Variants in C1orf94 observed in about 807,000 individuals in gnomAD.
The protein encoded by C1orf94 is uncharacterized protein C1orf94.
Under a neutral mutation model 53.6 loss-of-function variants are expected in C1orf94, and 45 were observed. The ratio of observed to expected loss-of-function variants is 0.84; its 90% CI spans 0.66 to 1.08. The LOEUF (loss-of-function observed/expected upper bound fraction) is 1.08, where lower values mean the gene tolerates loss of function less well. C1orf94 is among the 50% of genes least tolerant of loss of function. The pLI, the probability that C1orf94 is intolerant of heterozygous loss-of-function variation, is 0.00. For missense variants in C1orf94, 762 were observed against 738.9 expected, an observed-to-expected ratio of 1.03 and a Z score of -0.36; for synonymous variants, 304 against 296.1, an observed-to-expected ratio of 1.03 and a Z score of -0.27.
chr1:34,180,428 C>A lies in C1orf94; in HGVS notation c.320+2319C>A, dbSNP rs75860774. Among the ~76,000 whole-genome samples the A allele has an allele frequency of 3.8e-3, 575 of 152,296 alleles. 5 individuals are homozygous for A. Among genetic ancestry groups the A allele is most frequent in the African/African-American group, 0.013 (528 of 41,548 alleles). ...AGTTTCAATAATTATCACATTGTGC[C>A]ATTCTGGTTTCAATTGCTACCTCCA... On this transcript the variant is annotated intron_variant, in intron 1 of 6. Coordinates refer to ENST00000488417, the MANE Select transcript of C1orf94 (RefSeq NM_001134734.2).
chr1:34,171,111 A>G (rs1571331368), intron 1 of C1orf94, among the ~76,000 whole-genome samples: 1 of 152,132 alleles, frequency 6.6e-6, no homozygotes, highest in Non-Finnish European at 1.5e-5. Flanking sequence ...AGTAAAATCC[A>G]AGCTCCCTGC....
chr1:34,183,128 T>C (rs1013479752), intron 1 of C1orf94, among the ~76,000 whole-genome samples: 36 of 152,304 alleles, frequency 2.4e-4, no homozygotes, highest in African/African-American at 8.2e-4. Flanking sequence ...TTGGACGGTG[T>C]GCCATTTACA....
chr1:34,212,283 T>A lies in C1orf94; in HGVS notation c.1598T>A (p.Ile533Asn). The A allele has an allele frequency of 6.2e-7, 1 of 1,613,800 alleles. No homozygotes were observed. The highest frequency in any genetic ancestry group is 8.5e-7 in the Non-Finnish European group (1 of 1,179,936). The change falls in exon 6 of 7, where the codon ATC (isoleucine) becomes AAC (asparagine). Residue 533 changes from isoleucine to asparagine, a missense_variant. By Grantham distance (149) the Ile-to-Asn change is moderately radical. Transcript: ENST00000488417. ...TCCTACACCCCTCTGCTGAGCTACA[T>A]CCCTTTTGTCCAGCCCAATTATCCC... ...RSSYTPLLSY[I>N]PFVQPNYPYP...
At chr1:34,212,436 G>C in intron 6 of C1orf94, 30 bp downstream of exon 6, 2 of 1,583,154 alleles carry the variant, frequency 1.3e-6, no homozygotes, top group Non-Finnish European at 8.6e-7. Context: ...GAGCCTAAGG[G>C]TATCCAGAAA....
chr1:34,179,369 G>A (rs1038731445), intron 1 of C1orf94, among the ~76,000 whole-genome samples: 1 of 152,274 alleles, frequency 6.6e-6, no homozygotes, highest in Non-Finnish European at 1.5e-5. Context: ...CAGGGCCTTG[G>A]CAGGAGGGCC....
rs148174674 is a variant in C1orf94 at position 34,167,375 on chromosome 1, G to T, written c.-251+204G>T. ...CTGCTCTGTAATTCTGGGGCTGCAG[G>T]CCAATGGGCTTTCTCTTACCCTCTT... On this transcript the variant is annotated intron_variant, in intron 1 of 6. Coordinates refer to the C1orf94 transcript ENST00000373374. Among the ~76,000 whole-genome samples the T allele has an allele frequency of 5.8e-3, 890 of 152,336 alleles. 7 individuals are homozygous for T. Among genetic ancestry groups the T allele is most frequent in the African/African-American group, 0.02 (832 of 41,588 alleles).
At chr1:34,191,592 C>T (rs1213864577) in intron 1 of C1orf94, among the ~76,000 whole-genome samples, 1 of 152,218 alleles carries the variant, frequency 6.6e-6, no homozygotes, top group Non-Finnish European at 1.5e-5. Flanking sequence ...AGGTCTGTGC[C>T]TGACCCCAGA....
At chr1:34,202,050 C>T (rs368043485) in intron 3 of C1orf94, 34 bp from the exon 4 acceptor site, 32 of 1,603,120 alleles carry the variant, frequency 2.0e-5, no homozygotes, top group Non-Finnish European at 2.5e-5. Context: ...CTGCCTCCAT[C>T]ACTGACCCGC....
intron 1 of C1orf94, among the ~76,000 whole-genome samples, chr1:34,169,740 G>A (rs1405885693): frequency 6.6e-6 from 1 of 152,198 alleles, no homozygotes; most frequent in Non-Finnish European, 1.5e-5. Flanking sequence ...CAGAGGAAAA[G>A]CTTAGGATCC....
At chr1:34,189,180 T>C (rs1315395726) in intron 1 of C1orf94, among the ~76,000 whole-genome samples, 1 of 151,996 alleles carries the variant, frequency 6.6e-6, no homozygotes, top group Non-Finnish European at 1.5e-5. Context: ...TGTGTATGTA[T>C]GTGTGTGCAC....
rs1433933562 is a variant in C1orf94 at position 34,176,948 on chromosome 1, C to T, written c.-842C>T. 6.6e-6 allele frequency among the ~76,000 whole-genome samples: 1 copy of T among 152,086 alleles called. No individual in the cohort carries two copies. Among genetic ancestry groups the T allele is most frequent in the Non-Finnish European group, 1.5e-5 (1 of 68,010 alleles). On this transcript the variant is annotated 5_prime_UTR_variant, in exon 1 of 7. Coordinates refer to ENST00000488417, the MANE Select transcript of C1orf94 (RefSeq NM_001134734.2). ...CGTTTGAAACCCACAGAAAGAATTC[C>T]CCCGCTCGACGACGGCGAGGGTGTG...
rs751844758 is a variant in C1orf94, at chr1:34,177,914, G to T, written c.125G>T (p.Cys42Phe). The change falls in exon 1 of 7, where the codon TGC (cysteine) becomes TTC (phenylalanine). Residue 42 changes from cysteine to phenylalanine, a missense_variant. Coordinates refer to ENST00000488417, the MANE Select transcript of C1orf94 (RefSeq NM_001134734.2). ...SSSALVAKGP[C>F]ALGPFPRYIW... ...TCGGCCCTGGTGGCCAAGGGCCCCT[G>T]CGCCCTGGGCCCATTCCCCAGATAC... 8.6e-5 allele frequency: 133 copies of T among 1,551,706 alleles called. No individual in the cohort carries two copies. Among genetic ancestry groups the T allele is most frequent in the Non-Finnish European group, 1.1e-4 (126 of 1,146,992 alleles).
chr1:34,174,460 A>G (rs1642192309), upstream of C1orf94, among the ~76,000 whole-genome samples: 1 of 152,174 alleles, frequency 6.6e-6, no homozygotes, highest in African/African-American at 2.4e-5. Context: ...TGCAATCCTA[A>G]ACCAAATACC....
At chr1:34,185,300 C>T (rs1267554584) in intron 1 of C1orf94, among the ~76,000 whole-genome samples, 1 of 152,182 alleles carries the variant, frequency 6.6e-6, no homozygotes, top group African/African-American at 2.4e-5. Context: ...CTGCCTCAGC[C>T]TCCCAAGTAG....
chr1:34,168,179 A>G (rs571455292), intron 1 of C1orf94, among the ~76,000 whole-genome samples: 1 of 152,288 alleles, frequency 6.6e-6, no homozygotes, highest in South Asian at 2.1e-4. Flanking sequence ...TCAGGAGGCT[A>G]AAGCCAGAGG....
chr1:34,206,070 C>G (rs899364253), intron 4 of C1orf94, among the ~76,000 whole-genome samples: 1 of 152,216 alleles, frequency 6.6e-6, no homozygotes, highest in African/African-American at 2.4e-5. Context: ...AGAATCCGCC[C>G]TGGGACTGAG....
rs137949231 is a variant in C1orf94 at position 34,199,229 on chromosome 1, G to A, written c.1009+1316G>A. Among the ~76,000 whole-genome samples, 459 of 152,296 alleles carry A rather than the reference G, an allele frequency of 3.0e-3. 3 individuals are homozygous for A. Among genetic ancestry groups the A allele is most frequent in the South Asian group, 0.027 (130 of 4,826 alleles). On this transcript the variant is annotated intron_variant, in intron 2 of 6. Coordinates refer to ENST00000488417, the MANE Select transcript of C1orf94 (RefSeq NM_001134734.2). The stretch of plus-strand genomic sequence containing the variant: ...GAGTGTGTCTATGTCTGTGTGCCCA[G>A]ACCTGGGACGAGGGAGCTTCGTAGA...
chr1:34,190,261 C>T (rs1452024931), intron 1 of C1orf94, among the ~76,000 whole-genome samples: 1 of 152,172 alleles, frequency 6.6e-6, no homozygotes, highest in African/African-American at 2.4e-5. Context: ...GGAGAAATAA[C>T]CCTCACCCAT....
At chr1:34,205,876 A>G (rs1051107816) in intron 4 of C1orf94, among the ~76,000 whole-genome samples, 1 of 152,228 alleles carries the variant, frequency 6.6e-6, no homozygotes, top group African/African-American at 2.4e-5. Flanking sequence ...GCTACTTGGC[A>G]TAAAGGAACT....
Sources: gnomAD v4.1 joint callset for allele counts (sites outside exome capture counted in the v4.1 genomes callset) on GRCh38, gnomAD v4.1.1 for gene constraint, MANE v1.5 for transcripts, NCBI Gene and HGNC (gene_info 2026-07-23, HGNC 2026-07-21) for gene names.